ZNF536: variants seen among roughly 807,000 people sequenced by gnomAD.
The protein encoded by ZNF536 is zinc finger protein 536.
Under a neutral mutation model 84.5 loss-of-function variants are expected in ZNF536, and 13 were observed. That is an observed-to-expected ratio of 0.15 (90% confidence interval 0.10 to 0.24). The LOEUF (loss-of-function observed/expected upper bound fraction) is 0.24. Among genes scored for constraint, ZNF536 ranks in the 10% least tolerant of loss-of-function variants. ZNF536 has a pLI of 1.00. For missense variants in ZNF536, 1,536 were observed against 1,747.5 expected (o/e 0.88, Z 2.16); for synonymous variants, 811 against 742.5 (o/e 1.09, Z -1.50).
chr19:30,622,833 G>T (rs1466095478), intron 1 of ZNF536, among the ~76,000 whole-genome samples: 1 of 152,156 alleles, frequency 6.6e-6, no homozygotes, highest in South Asian at 2.1e-4. Flanking sequence ...CTCACCGGCT[G>T]CCTGCGATGT....
At chr19:30,550,657 AAG>A (rs2045743384) in intron 4 of ZNF536, among the ~76,000 whole-genome samples, 1 of 152,260 alleles carries the variant, frequency 6.6e-6, no homozygotes, top group East Asian at 1.9e-4. Flanking sequence ...GGGGAAATAG[AAG>A]AGAGTATTTT....
chr19:30,363,739 A>G (rs1004863597), intron 3 of ZNF536, among the ~76,000 whole-genome samples: 1 of 152,224 alleles, frequency 6.6e-6, no homozygotes, highest in Non-Finnish European at 1.5e-5. Context: ...TGTGCTCAGC[A>G]CTGTGCAATC....
At chr19:30,512,580 T>C (rs2055458763) in intron 2 of ZNF536, among the ~76,000 whole-genome samples, 1 of 151,760 alleles carries the variant, frequency 6.6e-6, no homozygotes, top group Admixed American at 6.6e-5. Flanking sequence ...GTTGCTGTGA[T>C]ACGAGTGTGG....
intron 2 of ZNF536, among the ~76,000 whole-genome samples, chr19:30,470,383 C>A (rs1027217858): frequency 5.3e-5 from 8 of 152,000 alleles, no homozygotes; most frequent in African/African-American, 1.9e-4. Flanking sequence ...TATCATTAAC[C>A]AAAGCTTATA....
intron 1 of ZNF536, among the ~76,000 whole-genome samples, chr19:30,251,258 C>T (rs376900669): frequency 4.6e-5 from 7 of 152,272 alleles, no homozygotes; most frequent in African/African-American, 1.7e-4. Context: ...ATTTCTGATG[C>T]TATTTGGGCC....
chr19:30,407,406 G>T (rs1304759241), intron 1 of ZNF536, among the ~76,000 whole-genome samples: 1 of 152,124 alleles, frequency 6.6e-6, no homozygotes, highest in East Asian at 1.9e-4. Context: ...ATGTCAGGGT[G>T]GGGGGCTCCC....
At chr19:30,615,904 CTCTA>C (rs1211028422) in intron 1 of ZNF536, among the ~76,000 whole-genome samples, 2 of 152,086 alleles carry the variant, frequency 1.3e-5, no homozygotes, top group Admixed American at 1.3e-4. Flanking sequence ...CTCTCTGCCT[CTCTA>C]TCTCTCTGTC....
chr19:30,227,829 G>A (rs938078475), upstream of ZNF536, among the ~76,000 whole-genome samples: 4 of 151,966 alleles, frequency 2.6e-5, no homozygotes, highest in Non-Finnish European at 4.4e-5. Flanking sequence ...CGGGCAGCCC[G>A]AGCGGGCCGC....
Position 30,445,532 on chromosome 19 carries a change from G to A in ZNF536, c.1970G>A (p.Arg657His), listed in dbSNP as rs556954524. ...CACTCCCGTGTCCACAAGCGGGACC[G>A]CAAGGGCGAGGAGGATGGGCTGCAC... The part of the protein sequence containing the change: ...VVHSRVHKRD[R>H]KGEEDGLHVG... Residue 657 changes from arginine (R) to histidine (H), a missense_variant, in exon 2 of 5, where the codon CGC becomes CAC. Physicochemically the swap from Arg to His is conservative, Grantham distance 29. Around this residue, in one of 8 missense-constraint regions of ZNF536, gnomAD observed 366 missense variants for 364.4 expected, o/e 1.00. Transcript: ENST00000355537. The surrounding 1 kb of genome is among the most constrained non-coding windows in gnomAD (Gnocchi z 4.5). 7.4e-6 allele frequency: 12 copies of A among 1,613,802 alleles called. No individual in the cohort carries two copies. The highest frequency in any genetic ancestry group is 9.3e-6 in the Non-Finnish European group (11 of 1,179,936).
At chr19:30,569,866 C>A (rs2046483331) in intron 1 of ZNF536, among the ~76,000 whole-genome samples, 1 of 152,160 alleles carries the variant, frequency 6.6e-6, no homozygotes, top group East Asian at 1.9e-4. Context: ...TGTACCCGGC[C>A]CAGAGAAGCA....
At chr19:30,225,870 A>G (rs1270546705), upstream of ZNF536, among the ~76,000 whole-genome samples, 1 of 114,444 alleles carries the variant, frequency 8.7e-6, no homozygotes, top group African/African-American at 3.3e-5. Context: ...TTCTCGCCCC[A>G]TCGCGATTAA....
chr19:30,530,107 C>G (rs2044743055), intron 2 of ZNF536, among the ~76,000 whole-genome samples: 1 of 152,198 alleles, frequency 6.6e-6, no homozygotes, highest in Non-Finnish European at 1.5e-5. Context: ...TGTCATTTCA[C>G]AGATGAGCAG....
intron 1 of ZNF536, among the ~76,000 whole-genome samples, chr19:30,248,582 G>A (rs2024429423): frequency 6.6e-6 from 1 of 152,014 alleles, no homozygotes; most frequent in Non-Finnish European, 1.5e-5. Context: ...TTGGGGAGAT[G>A]TTCTTGAAAG....
intron 1 of ZNF536, among the ~76,000 whole-genome samples, chr19:30,272,590 C>G (rs1029202115): frequency 4.6e-5 from 7 of 152,232 alleles, no homozygotes; most frequent in Non-Finnish European, 8.8e-5. Flanking sequence ...TCCCCTGAAC[C>G]TCTGGCAACC....
chr19:30,428,975 A>G (rs193260084), intron 1 of ZNF536, among the ~76,000 whole-genome samples: 147 of 152,222 alleles, frequency 9.7e-4, no homozygotes, highest in Non-Finnish European at 1.4e-3. Context: ...GTCCAGCCTG[A>G]CCCGCTTCCT....
At chr19:30,557,014 C>G in intron 4 of ZNF536, 143 bp from the exon 5 acceptor site, 1 of 925,702 alleles carries the variant, frequency 1.1e-6, no homozygotes, top group South Asian at 1.7e-5. Flanking sequence ...TAGCCAGAGA[C>G]AGAAGGACCA....
chr19:30,512,692 C>G (rs936201961), intron 2 of ZNF536, among the ~76,000 whole-genome samples: 1 of 151,862 alleles, frequency 6.6e-6, no homozygotes, highest in African/African-American at 2.4e-5. Flanking sequence ...AAATCAACCA[C>G]TGAATAACTT....
chr19:30,229,369 C>T (rs1173507813), intron 1 of ZNF536, among the ~76,000 whole-genome samples: 1 of 151,930 alleles, frequency 6.6e-6, no homozygotes, highest in Non-Finnish European at 1.5e-5. Context: ...CCAACCCTTG[C>T]CTGATAAGGA....
intron 2 of ZNF536, among the ~76,000 whole-genome samples, chr19:30,490,895 G>A (rs1197379261): frequency 6.6e-6 from 1 of 152,220 alleles, no homozygotes; most frequent in Admixed American, 6.5e-5. Context: ...CCAGCCCGGT[G>A]ACTAATGGCT....
Sources: gnomAD v4.1 joint callset for allele counts (sites outside exome capture counted in the v4.1 genomes callset) on GRCh38, gnomAD v4.1.1 for gene constraint, gnomAD v4.1.1 regional missense constraint, Gnocchi (gnomAD v3.1) non-coding constraint, MANE v1.5 for transcripts, NCBI Gene and HGNC (gene_info 2026-07-23, HGNC 2026-07-21) for gene names.